The following TTN variants were observed in gnomAD, a reference collection of about 807,000 sequenced individuals.
TTN encodes titin.
In TTN, 1,525 loss-of-function variants were observed where a neutral mutation model predicts 3,223.0. That is an observed-to-expected ratio of 0.47 (90% CI 0.45 to 0.49). The LOEUF (loss-of-function observed/expected upper bound fraction) is 0.49, where lower values mean the gene tolerates loss of function less well. Ranked by LOEUF, TTN falls within the 20% of genes least tolerant of loss-of-function variation. TTN has a pLI of 0.00. For synonymous variants in TTN, 14,094 were observed against 15,161.0 expected (o/e 0.93, Z 5.17); for missense variants, 40,786 against 43,424.0 (o/e 0.94, Z 5.40).
Position 178,756,285 on chromosome 2 carries a change from T to C in TTN, c.11191A>G (p.Ser3731Gly). 1 of 1,613,918 alleles carries C rather than the reference T, an allele frequency of 6.2e-7. No individual in the cohort carries two copies. The highest frequency in any genetic ancestry group is 1.7e-5 in the Admixed American group (1 of 60,020). ...CCACAGTCATTGTGTACAATGCAGC[T>C]GTATAGTCCTTGGTCTACCAGCTGA... ...NVQLVDQGLY[S>G]CIVHNDCGER... The change falls in exon 46 of 363, where the codon AGC (serine) becomes GGC (glycine). Residue 3731 changes from serine to glycine, a missense_variant. Physicochemically the swap from Ser to Gly is moderately conservative, Grantham distance 56. Transcript: ENST00000589042.
chr2:178,748,154 G>A, intron 47 of TTN: 2 of 1,613,150 alleles, frequency 1.2e-6, no homozygotes, highest in Non-Finnish European at 1.7e-6. Context: ...ACTTTTCTCA[G>A]AAAGATCAGT....
intron 13 of TTN, among the ~76,000 whole-genome samples, 175 bp downstream of exon 13, chr2:178,789,185 A>C (rs1480408064): frequency 6.6e-6 from 1 of 152,118 alleles, no homozygotes; most frequent in Non-Finnish European, 1.5e-5. Flanking sequence ...AACAATAATA[A>C]ATTTTTTTAG....
chr2:178,602,457 A>G lies in TTN; in HGVS notation c.54945T>C (p.Gly18315=). ...KGYIVEMQEE[G]TTDWKRVNEP... ...CATTTACTCTTTTCCAGTCAGTAGT[A>G]CCTTCTTCTTGCATTTCTACAATGT... is the stretch of plus-strand genomic sequence containing the variant. Residue 18315 remains glycine, a synonymous_variant, in exon 283 of 363, where the codon GGT becomes GGC. Transcript: ENST00000589042. 1 of 1,612,396 alleles carries G rather than the reference A, an allele frequency of 6.2e-7. No individual in the cohort carries two copies. The highest frequency in any genetic ancestry group is 8.5e-7 in the Non-Finnish European group (1 of 1,179,124).
intron 350 of TTN, 90 bp downstream of exon 350, chr2:178,541,190 CAA>C: frequency 8.1e-7 from 1 of 1,232,192 alleles, no homozygotes; most frequent in Non-Finnish European, 1.1e-6. Flanking sequence ...GTACATTTTT[CAA>C]AAGTCATAGA....
Position 178,698,887 on chromosome 2 carries a change from G to A in TTN, c.30710C>T (p.Ala10237Val). The change falls in exon 112 of 363, where the codon GCC becomes GTC. Residue 10237 changes from alanine (A) to valine (V), a missense_variant. Coordinates refer to ENST00000589042, the MANE Select transcript of TTN (RefSeq NM_001267550.2). Reference sequence around the variant, plus strand: ...TTTGGGCTTTGCAACAACTTTTTTGGCATCTTTCTTCACAGCCTTTTTGGT... The same window carrying A: ...TTTGGGCTTTGCAACAACTTTTTTGACATCTTTCTTCACAGCCTTTTTGGT... The part of the protein sequence containing the change: ...EVTKKAVKKD[A>V]KKVVAKPKEM... 3 of 1,531,522 alleles carry A rather than the reference G, an allele frequency of 2.0e-6. No individual in the cohort carries two copies. Among genetic ancestry groups the A allele is most frequent in the East Asian group, 2.5e-5 (1 of 40,780 alleles). 94.9% of individuals were successfully genotyped at this position (1,531,522 alleles called of 1,614,324 possible). A position where few individuals can be genotyped will look rare whatever the true frequency, so the allele number is the denominator to read the frequency against.
Position 178,548,087 on chromosome 2 carries a change from G to C in TTN, c.93539C>G (p.Thr31180Ser). 1 of 1,613,848 alleles carries C rather than the reference G, an allele frequency of 6.2e-7. No individual in the cohort carries two copies. Among genetic ancestry groups the C allele is most frequent in the African/African-American group, 1.3e-5 (1 of 75,026 alleles). Residue 31180 changes from threonine to serine, a missense_variant, in exon 339 of 363, where the codon ACT (threonine) becomes AGT (serine). By Grantham distance (58) the Thr-to-Ser change is moderately conservative. Transcript: ENST00000589042. This position sits in a 1 kb window ranked among gnomAD's most constrained non-coding sequence, Gnocchi z 4.3. ...TFTVERLVEKTEYEFRVKAKN... is the reference protein window; with the variant it reads ...TFTVERLVEKSEYEFRVKAKN... ...GGCCTTCACACGGAATTCATATTCAGTTTTCTCAACAAGACGCTCTACTGT... is the reference window on the plus strand; with the variant it reads ...GGCCTTCACACGGAATTCATATTCACTTTTCTCAACAAGACGCTCTACTGT...
chr2:178,535,341 G>A lies in TTN; in HGVS notation c.101274C>T (p.Tyr33758=), dbSNP rs767568808. ...TVINLFGKTS[Y]QFRVIAENKF... is the part of the protein sequence containing the mutation. ...TATTTTCAGCTATTACCCGGAACTG[G>A]TAACTTGTTTTTCCAAATAAGTTGA... Residue 33758 remains tyrosine, a synonymous_variant, in exon 358 of 363, where the codon TAC becomes TAT. Coordinates refer to ENST00000589042, the MANE Select transcript of TTN (RefSeq NM_001267550.2). The A allele has an allele frequency of 6.2e-7, 1 of 1,613,890 alleles. No individual in the cohort carries two copies. Among genetic ancestry groups the A allele is most frequent in the East Asian group, 2.2e-5 (1 of 44,878 alleles).
rs1289916968 is a variant in TTN at position 178,599,027 on chromosome 2, T to A, written c.56683A>T (p.Ser18895Cys). The change falls in exon 291 of 363, where the codon AGC (serine) becomes TGC (cysteine). Residue 18895 changes from serine to cysteine, a missense_variant. Transcript: ENST00000589042. ...PGAPDKPTVS[S>C]VTRNSMTVNW... Reference sequence around the variant, plus strand: ...ACAGTCATGGAGTTACGAGTCACGCTGCTAACTGTTGGTTTATCTGGTGCT... The same window carrying A: ...ACAGTCATGGAGTTACGAGTCACGCAGCTAACTGTTGGTTTATCTGGTGCT... 6.3e-6 allele frequency: 10 copies of A among 1,589,038 alleles called. No individual in the cohort carries two copies. The African/African-American group carries it at 8.1e-5, about 13-fold the overall frequency.
chr2:178,527,472 C>A lies in TTN; in HGVS notation c.107654G>T (p.Ser35885Ile), dbSNP rs1160430947. The A allele has an allele frequency of 1.2e-6, 2 of 1,613,796 alleles. No homozygotes were observed. The highest frequency in any genetic ancestry group is 1.7e-6 in the Non-Finnish European group (2 of 1,179,728). The change falls in exon 362 of 363, where the codon AGT becomes ATT. Residue 35885 changes from serine to isoleucine, a missense_variant. By Grantham distance (142) the Ser-to-Ile change is moderately radical (BLOSUM62 -2). Coordinates refer to ENST00000589042, the MANE Select transcript of TTN (RefSeq NM_001267550.2). ...SNMTQLESST[S>I]KMLKAGIRGI... ...TCTTATGCCTGCTTTAAGCATTTTA[C>A]TAGTTGAGCTTTCCAGTTGTGTCAT...
rs1699249278 is a variant in TTN at position 178,551,088 on chromosome 2, G to A, written c.91443C>T (p.Tyr30481=). Residue 30481 remains tyrosine, a synonymous_variant, in exon 336 of 363, where the codon TAC becomes TAT. Transcript: ENST00000589042. The part of the protein sequence containing the change: ...CNFTDVSECQ[Y]TVTGLSPGDR... ...CCCCAGGACTGAGTCCTGTAACTGT[G>A]TACTGACATTCACTGACGTCAGTAA... 6.2e-7 allele frequency: 1 copy of A among 1,613,342 alleles called. No individual in the cohort carries two copies. Among genetic ancestry groups the A allele is most frequent in the Non-Finnish European group, 8.5e-7 (1 of 1,179,622 alleles).
chr2:178,686,199 C>T (rs1391346375), intron 127 of TTN, among the ~76,000 whole-genome samples: 1 of 134,140 alleles, frequency 7.5e-6, no homozygotes, highest in African/African-American at 2.9e-5. Flanking sequence ...CGGCTCACTG[C>T]AAGCTCCGCC....
At chr2:178,742,023 A>C in intron 47 of TTN, 102 bp from the exon 48 acceptor site, 1 of 884,526 alleles carries the variant, frequency 1.1e-6, no homozygotes, top group East Asian at 3.2e-5. Flanking sequence ...CTTCTGCTTT[A>C]TTCCTGGAAT....
chr2:178,803,964 A>G (rs1028008371), intron 2 of TTN, among the ~76,000 whole-genome samples: 6 of 152,240 alleles, frequency 3.9e-5, no homozygotes, highest in African/African-American at 1.4e-4. Flanking sequence ...GACACCCGAG[A>G]AGCATATTAT....
At chr2:178,642,661 C>T (rs1269487673) in intron 218 of TTN, among the ~76,000 whole-genome samples, 1 of 151,812 alleles carries the variant, frequency 6.6e-6, no homozygotes, top group Admixed American at 6.6e-5. Context: ...GTAGATTGTC[C>T]AAATCTACGA....
rs765351582 is a variant in TTN, at chr2:178,548,707, A to C, written c.92919T>G (p.His30973Gln). 6.2e-7 allele frequency: 1 copy of C among 1,613,858 alleles called. No individual in the cohort carries two copies. The highest frequency in any genetic ancestry group is 8.5e-7 in the Non-Finnish European group (1 of 1,179,804). Residue 30973 changes from histidine to glutamine, a missense_variant, in exon 339 of 363, where the codon CAT (histidine) becomes CAG (glutamine). His to Gln is a conservative substitution (Grantham distance 24). Transcript: ENST00000589042. This position sits in a 1 kb window ranked among gnomAD's most constrained non-coding sequence, Gnocchi z 4.3. Reference sequence around the variant, plus strand: ...TGAGGGTGCTGAAGGAATCTGTTGTATGGATATCAGCCCGAAGGCTAAGGT... The same window carrying C: ...TGAGGGTGCTGAAGGAATCTGTTGTCTGGATATCAGCCCGAAGGCTAAGGT... The part of the protein sequence containing the change: ...DSNLSLRADI[H>Q]TTDSFSTLTV...
At position 178,611,870 on chromosome 2, in the gene TTN, T is replaced by A; in HGVS notation, c.50439A>T (p.Val16813=). ...KTAGPDCNFR[V]TDVIEGTEVQ... Reference sequence around the variant, plus strand: ...CCTCTGTTCCTTCGATGACATCAGTTACTCTGAAGTTACAGTCAGGTCCTG... The same window carrying A: ...CCTCTGTTCCTTCGATGACATCAGTAACTCTGAAGTTACAGTCAGGTCCTG... The change falls in exon 268 of 363, where the codon GTA becomes GTT. Residue 16813 remains valine, a synonymous_variant. Transcript: ENST00000589042. 1 of 1,612,936 alleles carries A rather than the reference T, an allele frequency of 6.2e-7. No homozygotes were observed. The highest frequency in any genetic ancestry group is 8.5e-7 in the Non-Finnish European group (1 of 1,179,284).
In TTN at chr2:178,548,292, C is replaced by T. The variant is rs367766603; in HGVS notation, c.93334G>A (p.Glu31112Lys). ...AGTCTCCTAGGTGGAGCAGGCTGTT[C>T]TGTGGCTACAATTGGTTCTGGCATT... is the stretch of plus-strand genomic sequence containing the variant. Reference protein sequence around the residue: ...YEMPEPIVATEQPAPPRRLDV... With the variant: ...YEMPEPIVATKQPAPPRRLDV... The change falls in exon 339 of 363, where the codon GAA becomes AAA. Residue 31112 changes from glutamate to lysine, a missense_variant. Glu to Lys is a moderately conservative substitution (Grantham distance 56). Coordinates refer to ENST00000589042, the MANE Select transcript of TTN (RefSeq NM_001267550.2). The surrounding 1 kb of genome is among the most constrained non-coding windows in gnomAD (Gnocchi z 4.3). 1.2e-6 allele frequency: 2 copies of T among 1,613,852 alleles called. No homozygotes were observed. The highest frequency in any genetic ancestry group is 1.7e-6 in the Non-Finnish European group (2 of 1,179,810).
chr2:178,790,899 G>T, intron 10 of TTN, 54 bp from the exon 11 acceptor site: 3 of 1,602,544 alleles, frequency 1.9e-6, no homozygotes, highest in Non-Finnish European at 2.6e-6. Flanking sequence ...AAAAGCAATG[G>T]GAAGACATCC....
In TTN at chr2:178,630,348, T is replaced by C; in HGVS notation, c.44174A>G (p.Glu14725Gly). 6.2e-7 allele frequency: 1 copy of C among 1,609,876 alleles called. No individual in the cohort carries two copies. The highest frequency in any genetic ancestry group is 8.5e-7 in the Non-Finnish European group (1 of 1,178,716). Residue 14725 changes from glutamate to glycine, a missense_variant, in exon 239 of 363, where the codon GAA (glutamate) becomes GGA (glycine). Coordinates refer to ENST00000589042, the MANE Select transcript of TTN (RefSeq NM_001267550.2). The stretch of plus-strand genomic sequence containing the variant: ...CAAAACAAGGGAGTGTATTTTGCCT[T>C]CTTCCTTAATTTCACAATCCTGTAC... ...LQTPDCEIKE[E>G]GKIHSLVLHN...
Sources: gnomAD v4.1 joint callset for allele counts (sites outside exome capture counted in the v4.1 genomes callset) on GRCh38, gnomAD v4.1.1 for gene constraint, Gnocchi (gnomAD v3.1) non-coding constraint, MANE v1.5 for transcripts, NCBI Gene and HGNC (gene_info 2026-07-23, HGNC 2026-07-21) for gene names.